IFT122: variants seen among roughly 807,000 people sequenced by gnomAD.
The protein encoded by IFT122 is intraflagellar transport protein 122 homolog.
A neutral mutation model predicts 161.6 loss-of-function variants in IFT122; 118 were observed. The observed-to-expected ratio is 0.73, with a 90% CI of 0.63 to 0.85. The LOEUF (loss-of-function observed/expected upper bound fraction) is 0.85, where lower values mean the gene tolerates loss of function less well. IFT122 is among the 40% of genes least tolerant of loss of function. IFT122 has a pLI of 0.00. For missense variants in IFT122, 1,381 were observed against 1,579.6 expected (o/e 0.87, Z 2.13); for synonymous variants, 550 against 602.4 (o/e 0.91, Z 1.27).
At chr3:129,495,213 C>G (rs1308919644) in intron 17 of IFT122, among the ~76,000 whole-genome samples, 1 of 152,152 alleles carries the variant, frequency 6.6e-6, no homozygotes. Context: ...TTCCATTAAA[C>G]AAACAAAGGT....
intron 9 of IFT122, among the ~76,000 whole-genome samples, chr3:129,470,809 A>G (rs2077291458): frequency 1.3e-5 from 2 of 151,846 alleles, no homozygotes; most frequent in Admixed American, 1.3e-4. Context: ...ACCTCAGGTG[A>G]TCCACCTGCC....
In IFT122 at chr3:129,519,662, C is replaced by T. The variant is rs747889950; in HGVS notation, c.3566C>T (p.Pro1189Leu). ...RDVLIKRWPP[P>L]LRWQYFRSLL... ...GTCCTCATCAAGCGATGGCCCCCAC[C>T]CCTGAGGTGGCAATACTTCCGCTCA... The change falls in exon 29 of 30, where the codon CCC (proline) becomes CTC (leucine). Residue 1189 changes from proline to leucine, a missense_variant. Around this residue, in one of 7 missense-constraint regions of IFT122, gnomAD observed 177 missense variants for 199.2 expected, o/e 0.89. Transcript: ENST00000348417. 2 of 1,613,678 alleles carry T rather than the reference C, an allele frequency of 1.2e-6. No homozygotes were observed. Among genetic ancestry groups the T allele is most frequent in the Non-Finnish European group, 8.5e-7 (1 of 1,180,032 alleles).
intron 15 of IFT122, chr3:129,487,948 G>A: frequency 2.2e-6 from 1 of 456,310 alleles, no homozygotes; most frequent in Non-Finnish European, 4.1e-6. Context: ...GAGGCAGAGT[G>A]GGGAGGGGCA....
intron 25 of IFT122, 26 bp from the exon 26 acceptor site, chr3:129,515,462 C>T (rs748702276): frequency 1.8e-6 from 2 of 1,123,728 alleles, no homozygotes; most frequent in Non-Finnish European, 2.7e-6. Context: ...GCCCCGGCCC[C>T]TCGGGAGTCC....
chr3:129,486,263 G>T (rs187528258), intron 15 of IFT122, among the ~76,000 whole-genome samples: 1 of 152,284 alleles, frequency 6.6e-6, no homozygotes, highest in African/African-American at 2.4e-5. Context: ...GGTGTGGTTC[G>T]GGGAAGGAGC....
At chr3:129,502,651 T>A in intron 19 of IFT122, 60 bp from the exon 20 acceptor site, 1 of 1,582,934 alleles carries the variant, frequency 6.3e-7, no homozygotes, top group East Asian at 2.2e-5. Context: ...TGAATGGACA[T>A]ACGGCTTGCC....
At position 129,500,031 on chromosome 3, in the gene IFT122, G is replaced by C. The variant is rs141746785; in HGVS notation, c.2338G>C (p.Ala780Pro). 2.5e-6 allele frequency: 4 copies of C among 1,614,094 alleles called. No homozygotes were observed. The African/African-American group carries it at 5.3e-5, about 22-fold the overall frequency. ...MYISAGEHVKAIEICGDHGWV... is the reference protein window; with the variant it reads ...MYISAGEHVKPIEICGDHGWV... ...CATCTCAGCAGGAGAGCACGTCAAGGCCATCGAGATCTGTGGTGACCATGG... is the reference window on the plus strand; with the variant it reads ...CATCTCAGCAGGAGAGCACGTCAAGCCCATCGAGATCTGTGGTGACCATGG... Residue 780 changes from alanine (A) to proline (P), a missense_variant, in exon 19 of 30, where the codon GCC becomes CCC. Physicochemically the swap from Ala to Pro is conservative, Grantham distance 27. Around this residue, in one of 7 missense-constraint regions of IFT122, gnomAD observed 496 missense variants for 502.5 expected, o/e 0.99. Transcript: ENST00000348417.
In IFT122 at chr3:129,477,887, A is replaced by ATT; in HGVS notation, c.1148-129_1148-128insTT. On this transcript the variant is annotated intron_variant, in intron 11 of 29. Transcript: ENST00000348417. ...TTGATTGTATGTATTAGATACTCTA[A>ATT]AGATTTTTCAATGAGAGTATCTCAC... 1.2e-5 allele frequency: 9 copies of ATT among 764,076 alleles called. No homozygotes were observed. In the South Asian group the frequency reaches 1.4e-4, roughly 12 times the overall value. 47.3% of individuals were successfully genotyped at this position (764,076 alleles called of 1,614,324 possible).
chr3:129,517,039 GCACACA>G (rs747461940), intron 26 of IFT122, among the ~76,000 whole-genome samples: 3 of 76,304 alleles, frequency 3.9e-5, no homozygotes, highest in Non-Finnish European at 5.1e-5. Context: ...GATTGCTCCT[GCACACA>G]CACACACACA....
chr3:129,508,521 G>A (rs1407095355), intron 23 of IFT122, among the ~76,000 whole-genome samples: 2 of 152,190 alleles, frequency 1.3e-5, no homozygotes, highest in African/African-American at 4.8e-5. Context: ...AGGTTATTAG[G>A]TTGGTGCAAA....
Position 129,476,712 on chromosome 3 carries a change from G to A in IFT122, c.1058G>A (p.Ser353Asn). The change falls in exon 11 of 30, where the codon AGC becomes AAC. Residue 353 changes from serine to asparagine, a missense_variant. This residue lies in a region of IFT122 where 544 missense variants were observed against 648.0 expected (regional missense o/e 0.84). Coordinates refer to ENST00000348417, the MANE Select transcript of IFT122 (RefSeq NM_052989.3). ...GTISFYQLIF[S>N]TVHGLYKDRY... ...ATTTCCTTCTACCAGCTTATTTTCA[G>A]CACAGTCCATGGGCTTTACAAGGAC... The A allele has an allele frequency of 6.2e-7, 1 of 1,614,194 alleles. No homozygotes were observed. The highest frequency in any genetic ancestry group is 1.1e-5 in the South Asian group (1 of 91,080).
intron 7 of IFT122, among the ~76,000 whole-genome samples, chr3:129,466,228 T>C (rs890391285): frequency 6.6e-6 from 1 of 152,192 alleles, no homozygotes; most frequent in African/African-American, 2.4e-5. Context: ...TACAGATGGT[T>C]GCCTACTTGA....
At chr3:129,511,929 T>C (rs2082883421) in intron 23 of IFT122, among the ~76,000 whole-genome samples, 1 of 152,210 alleles carries the variant, frequency 6.6e-6, no homozygotes, top group South Asian at 2.1e-4. Flanking sequence ...TGGAGACAAC[T>C]TGAGTAGTTC....
intron 1 of IFT122, among the ~76,000 whole-genome samples, chr3:129,440,700 A>G (rs544139676): frequency 5.3e-5 from 8 of 152,244 alleles, no homozygotes; most frequent in Non-Finnish European, 1.0e-4. Flanking sequence ...AGTTCTTGCC[A>G]CATCCACATA....
chr3:129,501,169 C>T (rs114658408), intron 19 of IFT122, among the ~76,000 whole-genome samples: 410 of 152,230 alleles, frequency 2.7e-3, no homozygotes, highest in African/African-American at 9.4e-3. Flanking sequence ...AGGCTTTGTC[C>T]TCCCAGTCAG....
chr3:129,499,770 G>A (rs2081314518), intron 18 of IFT122, 132 bp from the exon 19 acceptor site: 2 of 1,039,328 alleles, frequency 1.9e-6, no homozygotes, highest in Non-Finnish European at 3.0e-6. Context: ...GCCCCTCAGG[G>A]CCGGGCCCTG....
intron 15 of IFT122, chr3:129,487,715 G>T (rs1466682539): frequency 3.2e-5 from 6 of 187,462 alleles, no homozygotes; most frequent in Non-Finnish European, 5.6e-5. Context: ...AACGTAGACT[G>T]GGGTTCTGCT....
At chr3:129,485,966 C>A (rs963032663) in intron 15 of IFT122, among the ~76,000 whole-genome samples, 2 of 152,230 alleles carry the variant, frequency 1.3e-5, no homozygotes, top group African/African-American at 4.8e-5. Context: ...GGTTGCCTTT[C>A]GAAATTTACA....
intron 4 of IFT122, chr3:129,459,194 C>T: frequency 2.4e-6 from 1 of 414,190 alleles, no homozygotes; most frequent in South Asian, 1.8e-5. Context: ...CGAGGCATTT[C>T]TCACAATTGC....
Sources: gnomAD v4.1 joint callset for allele counts (sites outside exome capture counted in the v4.1 genomes callset) on GRCh38, gnomAD v4.1.1 for gene constraint, gnomAD v4.1.1 regional missense constraint, MANE v1.5 for transcripts, NCBI Gene and HGNC (gene_info 2026-07-23, HGNC 2026-07-21) for gene names.